Variants in RLIM observed in about 807,000 individuals in gnomAD.
The protein encoded by RLIM is ring finger protein, LIM domain interacting, also known as E3 ubiquitin-protein ligase RLIM.
Under a neutral mutation model 34.0 loss-of-function variants are expected in RLIM, and 2 were observed. The observed-to-expected ratio is 0.06, with a 90% CI of 0.02 to 0.19. RLIM has a LOEUF of 0.19. Ranked by LOEUF, RLIM falls within the 10% of genes least tolerant of loss-of-function variation. The pLI, the probability that RLIM is intolerant of heterozygous loss-of-function variation, is 1.00. For synonymous variants in RLIM, 169 were observed against 164.0 expected (o/e 1.03, Z -0.23); for missense variants, 286 against 479.7 (o/e 0.60, Z 3.77).
At chrX:74,602,606 G>A (rs986157509) in intron 1 of RLIM, among the ~76,000 whole-genome samples, 1 of 111,628 alleles carries the variant, frequency 9.0e-6, no homozygotes, top group Non-Finnish European at 1.9e-5. Flanking sequence ...GCGTGGTGGC[G>A]CATGCCTGTA....
chrX:74,613,665 G>C (rs72630720), intron 1 of RLIM, among the ~76,000 whole-genome samples: 1 of 106,162 alleles, frequency 9.4e-6, no homozygotes, highest in East Asian at 3.0e-4. Flanking sequence ...AATGGGGGAG[G>C]GATTGAGTTG....
intron 1 of RLIM, among the ~76,000 whole-genome samples, chrX:74,609,489 A>C (rs1446631144): frequency 1.3e-5 from 1 of 78,398 alleles, no homozygotes; most frequent in African/African-American, 5.5e-5. Flanking sequence ...CTCCGTTTCA[A>C]AAAAAAAAAA....
intron 1 of RLIM, among the ~76,000 whole-genome samples, chrX:74,600,871 A>G (rs1006475423): frequency 2.8e-5 from 3 of 105,465 alleles, no homozygotes; most frequent in Non-Finnish European, 5.8e-5. Flanking sequence ...AAAAAAAAAA[A>G]GAGCTTGGCG....
At chrX:74,594,957 C>G (rs191567034) in intron 2 of RLIM, among the ~76,000 whole-genome samples, 59 of 107,766 alleles carry the variant, frequency 5.5e-4, no homozygotes, top group African/African-American at 2.0e-3. Flanking sequence ...ACAGTGGTAC[C>G]ACATCTGTAG....
In RLIM at chrX:74,585,514, A is replaced by G. The variant is rs987495219; in HGVS notation, c.*5926T>C. 1 of 112,154 alleles carries G rather than the reference A, an allele frequency of 8.9e-6. No individual in the cohort carries two copies. Among genetic ancestry groups the G allele is most frequent in the African/African-American group, 3.2e-5 (1 of 30,887 alleles). 9.2% of individuals were successfully genotyped at this position (112,154 alleles called of 1,213,427 possible). A position where few individuals can be genotyped will look rare whatever the true frequency, so the allele number is the denominator to read the frequency against. On this transcript the variant is annotated 3_prime_UTR_variant, in exon 4 of 4. Transcript: ENST00000332687. ...TGATCACTTCATGCATTTTATTGATAGTCTATATTTTAAATCTGCAGTATG... is the reference window on the plus strand; with the variant it reads ...TGATCACTTCATGCATTTTATTGATGGTCTATATTTTAAATCTGCAGTATG...
At position 74,583,067 on chromosome X, in the gene RLIM, T is replaced by C. The variant is rs1602157265; in HGVS notation, c.*8373A>G. ...TTTCTTTGGTGAAGCACAAGTTTCT[T>C]TTCGTGGTCCCTGATCAATTTTAAA... On this transcript the variant is annotated 3_prime_UTR_variant, in exon 4 of 4. Coordinates refer to ENST00000332687, the MANE Select transcript of RLIM (RefSeq NM_016120.4). 9.7e-7 allele frequency: 1 copy of C among 1,028,415 alleles called. No homozygotes were observed. The highest frequency in any genetic ancestry group is 1.8e-5 in the African/African-American group (1 of 54,513). The allele number at this position is 1,028,415 out of a possible 1,213,427, so 84.8% of individuals were successfully genotyped here. A position where few individuals can be genotyped will look rare whatever the true frequency, so the allele number is the denominator to read the frequency against.
In RLIM at chrX:74,587,310, T is replaced by A. The variant is rs895305868; in HGVS notation, c.*4130A>T. The A allele has an allele frequency of 2.7e-5, 3 of 111,049 alleles. No homozygotes were observed. Among genetic ancestry groups the A allele is most frequent in the Non-Finnish European group, 3.8e-5 (2 of 53,078 alleles). 9.2% of individuals were successfully genotyped at this position (111,049 alleles called of 1,213,427 possible). ...CACACCTGACACTTTAACATGTGCC[T>A]TAACAATCTTGCATACTAAGGTACA... On this transcript the variant is annotated 3_prime_UTR_variant, in exon 4 of 4. Coordinates refer to ENST00000332687, the MANE Select transcript of RLIM (RefSeq NM_016120.4).
rs1043041145 is a variant in RLIM, at chrX:74,584,191, C to T, written c.*7249G>A. Among the ~76,000 whole-genome samples, 2 of 111,202 alleles carry T rather than the reference C, an allele frequency of 1.8e-5. No homozygotes were observed. The highest frequency in any genetic ancestry group is 6.5e-5 in the African/African-American group (2 of 30,572). Reference sequence around the variant, plus strand: ...AAATACTAAGAAACAAATTAGAAGTCATATAGTAGTGGGATTAAGAGCACA... The same window carrying T: ...AAATACTAAGAAACAAATTAGAAGTTATATAGTAGTGGGATTAAGAGCACA... On this transcript the variant is annotated 3_prime_UTR_variant, in exon 4 of 4. Coordinates refer to ENST00000332687, the MANE Select transcript of RLIM (RefSeq NM_016120.4).
In RLIM at chrX:74,587,939, ATATTT is replaced by A. The variant is rs1203920712; in HGVS notation, c.*3496_*3500del. 2.7e-5 allele frequency: 3 copies of A among 112,162 alleles called. No individual in the cohort carries two copies. The highest frequency in any genetic ancestry group is 9.7e-5 in the African/African-American group (3 of 30,861). The allele number at this position is 112,162 out of a possible 1,213,427, so 9.2% of individuals were successfully genotyped here. A position where few individuals can be genotyped will look rare whatever the true frequency, so the allele number is the denominator to read the frequency against. On this transcript the variant is annotated 3_prime_UTR_variant, in exon 4 of 4. Transcript: ENST00000332687. ...TTAAAAACTGTGTGTGTACACACAC[ATATTT>A]TATTTCCTGGTGCTAAAGGTCTTAT...
At position 74,592,872 on chromosome X, in the gene RLIM, C is replaced by A. The variant is rs2147372821; in HGVS notation, c.443G>T (p.Gly148Val). 1 of 1,211,551 alleles carries A rather than the reference C, an allele frequency of 8.3e-7. No individual in the cohort carries two copies. The change falls in exon 4 of 4, where the codon GGG becomes GTG. Residue 148 changes from glycine to valine, a missense_variant. Around this residue, in one of 6 missense-constraint regions of RLIM, gnomAD observed 121 missense variants for 182.4 expected, o/e 0.66. Transcript: ENST00000332687. ...ATTTTCATTCTCTGAATTTTGGCTC[C>A]CATTATTACGGTTAACATTTATCTC... ...SLEINVNRNN[G>V]SQNSENENEP...
chrX:74,607,468 G>A (rs769559817), intron 1 of RLIM, among the ~76,000 whole-genome samples: 4 of 113,081 alleles, frequency 3.5e-5, no homozygotes, highest in African/African-American at 6.4e-5. Flanking sequence ...CCAACACTTC[G>A]GGAGGCCGAC....
Position 74,592,080 on chromosome X carries a change from C to G in RLIM, c.1235G>C (p.Gly412Ala), listed in dbSNP as rs1328760814. The change falls in exon 4 of 4, where the codon GGT becomes GCT. Residue 412 changes from glycine (G) to alanine (A), a missense_variant. Physicochemically the swap from Gly to Ala is moderately conservative, Grantham distance 60. This residue lies in a region of RLIM where 12 missense variants were observed against 45.2 expected (regional missense o/e 0.27). Transcript: ENST00000332687. ...IQTMLRQIMT[G>A]FGELSYFMYS... ...CATAAAATAGCTTAACTCACCAAAACCTGTCATTATCTGCCTTAACATGGT... is the reference window on the plus strand; with the variant it reads ...CATAAAATAGCTTAACTCACCAAAAGCTGTCATTATCTGCCTTAACATGGT... 1 of 1,210,164 alleles carries G rather than the reference C, an allele frequency of 8.3e-7. No homozygotes were observed. The highest frequency in any genetic ancestry group is 1.1e-6 in the Non-Finnish European group (1 of 895,192).
At chrX:74,603,722 A>G (rs2079670757) in intron 1 of RLIM, among the ~76,000 whole-genome samples, 1 of 111,801 alleles carries the variant, frequency 8.9e-6, no homozygotes, top group African/African-American at 3.3e-5. Context: ...CCATATATGT[A>G]ATTTTTCAAA....
chrX:74,602,575 A>C (rs998336967), intron 1 of RLIM, among the ~76,000 whole-genome samples: 1 of 111,514 alleles, frequency 9.0e-6, no homozygotes, highest in Non-Finnish European at 1.9e-5. Flanking sequence ...CTACTAAAAA[A>C]AATACAAAAA....
In RLIM at chrX:74,590,347, G is replaced by A. The variant is rs1294074258; in HGVS notation, c.*1093C>T. 2 of 112,262 alleles carry A rather than the reference G, an allele frequency of 1.8e-5. No homozygotes were observed. Among genetic ancestry groups the A allele is most frequent in the African/African-American group, 6.5e-5 (2 of 30,884 alleles). The allele number at this position is 112,262 out of a possible 1,213,427, so 9.3% of individuals were successfully genotyped here. ...TAGAATACCAGGTCAAGCTGCTGCT[G>A]TGGCTGCTCTCACCATATGAAACCA... is the stretch of plus-strand genomic sequence containing the variant. On this transcript the variant is annotated 3_prime_UTR_variant, in exon 4 of 4. Coordinates refer to ENST00000332687, the MANE Select transcript of RLIM (RefSeq NM_016120.4).
chrX:74,583,550 C>T lies in RLIM; in HGVS notation c.*7890G>A. 2.0e-6 allele frequency: 1 copy of T among 498,875 alleles called. No homozygotes were observed. The highest frequency in any genetic ancestry group is 3.6e-6 in the Non-Finnish European group (1 of 277,985). 41.1% of individuals were successfully genotyped at this position (498,875 alleles called of 1,213,427 possible). On this transcript the variant is annotated 3_prime_UTR_variant, in exon 4 of 4. Transcript: ENST00000332687. ...CCATTGTCTGTGTTGATGAATTCAC[C>T]AAATTTTTATTCCAGTCTATTTTGA...
intron 1 of RLIM, among the ~76,000 whole-genome samples, chrX:74,609,130 T>C (rs2079695430): frequency 9.0e-6 from 1 of 111,657 alleles, no homozygotes; most frequent in African/African-American, 3.3e-5. Context: ...AAGGCACTAT[T>C]TTAAGGACCT....
chrX:74,602,427 T>C (rs559564921), intron 1 of RLIM, among the ~76,000 whole-genome samples: 4 of 111,366 alleles, frequency 3.6e-5, no homozygotes, highest in African/African-American at 1.3e-4. Context: ...CACTGAAACC[T>C]GCTGTTCATA....
chrX:74,592,022 T>C lies in RLIM; in HGVS notation c.1293A>G (p.Ser431=). 1 of 1,211,750 alleles carries C rather than the reference T, an allele frequency of 8.3e-7. No homozygotes were observed. Among genetic ancestry groups the C allele is most frequent in the Non-Finnish European group, 1.1e-6 (1 of 895,346 alleles). Residue 431 remains serine, a synonymous_variant, in exon 4 of 4, where the codon TCA becomes TCG. Coordinates refer to ENST00000332687, the MANE Select transcript of RLIM (RefSeq NM_016120.4). ...CCCTTTCCATATTTCGATTTGAGAC[T>C]GAGCCAGTAGGCTCTGAGTCGCTAT... is the stretch of plus-strand genomic sequence containing the variant. ...YSDSDSEPTG[S]VSNRNMERAE... is the part of the protein sequence containing the mutation.
Sources: allele counts gnomAD v4.1 joint callset (sites outside exome capture counted in the v4.1 genomes callset), GRCh38; gene constraint gnomAD v4.1.1; regional missense constraint gnomAD v4.1.1; transcripts MANE v1.5; gene names NCBI Gene and HGNC (gene_info 2026-07-23, HGNC 2026-07-21).